RYR2: variants seen among roughly 807,000 people sequenced by gnomAD.
The protein encoded by RYR2 is cardiac muscle ryanodine receptor-calcium release channel.
Under a neutral mutation model 601.1 loss-of-function variants are expected in RYR2, and 227 were observed. That is an observed-to-expected ratio of 0.38 (90% CI 0.34 to 0.42). The LOEUF (loss-of-function observed/expected upper bound fraction) is 0.42. Ranked by LOEUF, RYR2 falls within the 10% of genes least tolerant of loss-of-function variation. The probability of loss-of-function intolerance (pLI) is 1.00; values close to 1 mark genes in which losing one functional copy is unlikely to be tolerated. For missense variants in RYR2, 4,646 were observed against 6,156.5 expected, an observed-to-expected ratio of 0.75 and a Z score of 8.21; for synonymous variants, 2,223 against 2,175.1, an observed-to-expected ratio of 1.02 and a Z score of -0.61.
intron 10 of RYR2, among the ~76,000 whole-genome samples, chr1:237,393,168 C>G (rs1003216058): frequency 6.6e-6 from 1 of 152,052 alleles, no homozygotes; most frequent in Non-Finnish European, 1.5e-5. Context: ...GTTCTTCTTC[C>G]ACCTTATCTG....
chr1:237,649,805 C>A, intron 49 of RYR2, 72 bp from the exon 50 acceptor site: 3 of 1,260,572 alleles, frequency 2.4e-6, no homozygotes, highest in South Asian at 1.3e-5. Flanking sequence ...ATTGTATGTC[C>A]CCATGTTAAT....
chr1:237,637,783 C>G (rs1269261598), intron 44 of RYR2, among the ~76,000 whole-genome samples: 1 of 152,082 alleles, frequency 6.6e-6, no homozygotes, highest in Non-Finnish European at 1.5e-5. Context: ...ATAAGGGTCT[C>G]AAGTTAAATG....
chr1:237,277,030 A>G (rs1273798597), intron 2 of RYR2, among the ~76,000 whole-genome samples: 1 of 152,228 alleles, frequency 6.6e-6, no homozygotes, highest in South Asian at 2.1e-4. Context: ...CTGAGATAAA[A>G]TATTTTAAAT....
At chr1:237,386,587 G>A (rs1465109185) in intron 8 of RYR2, among the ~76,000 whole-genome samples, 2 of 152,164 alleles carry the variant, frequency 1.3e-5, no homozygotes, top group African/African-American at 2.4e-5. Flanking sequence ...GTTATGATGA[G>A]TAAAATAAGC....
intron 36 of RYR2, among the ~76,000 whole-genome samples, chr1:237,611,245 C>G (rs1001664927): frequency 1.3e-5 from 2 of 152,090 alleles, no homozygotes; most frequent in Non-Finnish European, 2.9e-5. Flanking sequence ...TTCACTCTTG[C>G]GTTACTTACA....
chr1:237,536,580 T>C (rs1484062854), intron 25 of RYR2, among the ~76,000 whole-genome samples: 1 of 152,032 alleles, frequency 6.6e-6, no homozygotes, highest in Non-Finnish European at 1.5e-5. Flanking sequence ...CCGGGCGTGG[T>C]GGCGGGCGCC....
At chr1:237,808,059 A>C (rs1174320780) in intron 99 of RYR2, among the ~76,000 whole-genome samples, 1 of 152,230 alleles carries the variant, frequency 6.6e-6, no homozygotes, top group African/African-American at 2.4e-5. Flanking sequence ...AAAACAGATT[A>C]CATAGAGCTG....
chr1:237,102,936 C>T (rs115986228), intron 1 of RYR2, among the ~76,000 whole-genome samples: 382 of 152,248 alleles, frequency 2.5e-3, no homozygotes, highest in African/African-American at 8.8e-3. Flanking sequence ...CCATTTAAAA[C>T]GATACAGTTC....
intron 12 of RYR2, among the ~76,000 whole-genome samples, chr1:237,438,846 G>A (rs1707642088): frequency 6.6e-6 from 1 of 152,146 alleles, no homozygotes; most frequent in Non-Finnish European, 1.5e-5. Flanking sequence ...ATTTCTTCCT[G>A]CTTTTGGTCC....
At chr1:237,374,100 C>A (rs78317370) in intron 6 of RYR2, among the ~76,000 whole-genome samples, 2,637 of 152,260 alleles carry the variant, frequency 0.017, 72 homozygotes, top group African/African-American at 0.058. Flanking sequence ...TGCTGTTCTG[C>A]CTCACAGACA....
At chr1:237,780,957 T>C (rs1695055605) in intron 88 of RYR2, among the ~76,000 whole-genome samples, 1 of 152,220 alleles carries the variant, frequency 6.6e-6, no homozygotes, top group African/African-American at 2.4e-5. Context: ...ATGTCAAATG[T>C]GCAGAAGGTC....
chr1:237,759,095 T>G (rs995130075), intron 82 of RYR2, among the ~76,000 whole-genome samples: 1 of 151,986 alleles, frequency 6.6e-6, no homozygotes, highest in Non-Finnish European at 1.5e-5. Flanking sequence ...CGGGGTTTTT[T>G]GTTTTGTTTT....
At chr1:237,069,546 TTTAAC>T (rs66861903) in intron 1 of RYR2, among the ~76,000 whole-genome samples, 25,707 of 151,982 alleles carry the variant, frequency 0.17, 2,283 homozygotes, top group Non-Finnish European at 0.19. Context: ...TTATATAACA[TTTAAC>T]TTAAGAGAGA....
chr1:237,513,221 G>A (rs987764999), intron 24 of RYR2, among the ~76,000 whole-genome samples: 3 of 152,166 alleles, frequency 2.0e-5, no homozygotes, highest in Non-Finnish European at 4.4e-5. Flanking sequence ...ATATAATTTC[G>A]AATTTTGATA....
At chr1:237,148,245 C>T (rs779349185) in intron 1 of RYR2, among the ~76,000 whole-genome samples, 3 of 151,794 alleles carry the variant, frequency 2.0e-5, no homozygotes, top group African/African-American at 7.3e-5. Context: ...AATACGTGCA[C>T]GTGCAGGAAC....
chr1:237,102,433 A>G (rs1668215990), intron 1 of RYR2, among the ~76,000 whole-genome samples: 1 of 152,220 alleles, frequency 6.6e-6, no homozygotes, highest in Admixed American at 6.5e-5. Context: ...AGATACATCC[A>G]TGAGGCTTAC....
chr1:237,621,894 G>A (rs7541221), intron 38 of RYR2, among the ~76,000 whole-genome samples: 27,010 of 152,100 alleles, frequency 0.18, 3,009 homozygotes, highest in African/African-American at 0.33. Context: ...GGCAGACAGA[G>A]GGATGTGGGT....
chr1:237,163,300 A>G (rs989324752), intron 1 of RYR2, among the ~76,000 whole-genome samples: 11 of 151,958 alleles, frequency 7.2e-5, no homozygotes, highest in African/African-American at 2.4e-4. Flanking sequence ...TTTCCTCACC[A>G]GTTACAGAAA....
chr1:237,376,279 T>G (rs1249433436), intron 7 of RYR2, among the ~76,000 whole-genome samples: 1 of 152,174 alleles, frequency 6.6e-6, no homozygotes. Flanking sequence ...AAACACAGAT[T>G]ACATGTTGAC....
Sources: allele counts gnomAD v4.1 joint callset (sites outside exome capture counted in the v4.1 genomes callset), GRCh38; gene constraint gnomAD v4.1.1; transcripts MANE v1.5; gene names NCBI Gene and HGNC (gene_info 2026-07-23, HGNC 2026-07-21).